Variants in ATP8A2 observed in about 807,000 individuals in gnomAD.
ATP8A2 encodes phospholipid-transporting ATPase IB.
Under a neutral mutation model 165.6 loss-of-function variants are expected in ATP8A2, and 100 were observed. The ratio of observed to expected loss-of-function variants is 0.60; its 90% CI spans 0.51 to 0.71. ATP8A2 has a LOEUF of 0.71. Among genes scored for constraint, ATP8A2 ranks in the 30% least tolerant of loss-of-function variants. ATP8A2 has a pLI of 0.00. For synonymous variants in ATP8A2, 543 were observed against 548.8 expected, an observed-to-expected ratio of 0.99 and a Z score of 0.15; for missense variants, 1,227 against 1,479.5, an observed-to-expected ratio of 0.83 and a Z score of 2.80.
chr13:25,681,897 C>G (rs953796528), intron 24 of ATP8A2, among the ~76,000 whole-genome samples: 5 of 150,792 alleles, frequency 3.3e-5, no homozygotes, highest in Non-Finnish European at 5.9e-5. Flanking sequence ...AGACTTGGGA[C>G]TGACTGCCTT....
At chr13:26,014,957 GGGTCT>G (rs1395103462) in intron 36 of ATP8A2, among the ~76,000 whole-genome samples, 2 of 152,106 alleles carry the variant, frequency 1.3e-5, no homozygotes, top group Non-Finnish European at 2.9e-5. Context: ...GAACTCTACA[GGGTCT>G]GTTCTGTTGA....
intron 19 of ATP8A2, among the ~76,000 whole-genome samples, chr13:25,575,383 ATTTG>A (rs1375962435): frequency 1.3e-5 from 2 of 152,174 alleles, no homozygotes; most frequent in African/African-American, 4.8e-5. Flanking sequence ...ACCCAGGAAT[ATTTG>A]TTGGACTTTT....
At chr13:25,385,857 A>C (rs923401809) in intron 1 of ATP8A2, among the ~76,000 whole-genome samples, 2 of 151,812 alleles carry the variant, frequency 1.3e-5, no homozygotes, top group East Asian at 3.9e-4. Flanking sequence ...ATGCCCAGCT[A>C]ATTTTTAAAA....
intron 25 of ATP8A2, among the ~76,000 whole-genome samples, chr13:25,726,037 A>G (rs755588078): frequency 6.6e-5 from 10 of 152,364 alleles, no homozygotes; most frequent in Non-Finnish European, 1.0e-4. Flanking sequence ...TAGTATGTAG[A>G]TAGACACGCA....
intron 2 of ATP8A2, among the ~76,000 whole-genome samples, chr13:25,523,528 G>A (rs1390124939): frequency 1.3e-5 from 2 of 152,026 alleles, no homozygotes; most frequent in African/African-American, 2.4e-5. Flanking sequence ...TTCTTATTAT[G>A]GCTTTGATTT....
chr13:25,544,056 G>A (rs1174060052), intron 10 of ATP8A2, among the ~76,000 whole-genome samples: 2 of 152,284 alleles, frequency 1.3e-5, no homozygotes, highest in African/African-American at 2.4e-5. Context: ...TTTTCAGCTT[G>A]TCTGTTCTTT....
intron 2 of ATP8A2, among the ~76,000 whole-genome samples, chr13:25,527,951 G>C (rs1406762464): frequency 3.3e-5 from 5 of 152,158 alleles, no homozygotes; most frequent in Admixed American, 1.3e-4. Context: ...TACAGTATGT[G>C]AACTTTCTTT....
intron 33 of ATP8A2, among the ~76,000 whole-genome samples, chr13:25,924,704 T>C (rs1954550126): frequency 6.6e-6 from 1 of 152,218 alleles, no homozygotes; most frequent in African/African-American, 2.4e-5. Flanking sequence ...GGTTTGGCTG[T>C]GTCCCCACCC....
At chr13:26,006,959 T>C in intron 35 of ATP8A2, among the ~76,000 whole-genome samples, 1 of 151,584 alleles carries the variant, frequency 6.6e-6, no homozygotes, top group Non-Finnish European at 1.5e-5. Context: ...TTTAGTTTGC[T>C]AGAATTTAGT....
intron 30 of ATP8A2, among the ~76,000 whole-genome samples, chr13:25,847,827 G>C (rs1259319086): frequency 1.3e-5 from 2 of 151,928 alleles, no homozygotes; most frequent in African/African-American, 4.8e-5. Context: ...GCATGCCTTT[G>C]ACATACAAAT....
At chr13:25,954,881 A>G (rs1955482036) in intron 33 of ATP8A2, among the ~76,000 whole-genome samples, 1 of 152,240 alleles carries the variant, frequency 6.6e-6, no homozygotes. Flanking sequence ...ATAAATCCAC[A>G]AAGATGAGGA....
intron 1 of ATP8A2, among the ~76,000 whole-genome samples, chr13:25,410,540 G>T (rs114532582): frequency 1.4e-3 from 217 of 152,310 alleles, no homozygotes; most frequent in African/African-American, 5.1e-3. Flanking sequence ...CAAAGTAAAA[G>T]GATTAGTACC....
chr13:25,435,215 G>A (rs1359857661), intron 1 of ATP8A2, among the ~76,000 whole-genome samples: 1 of 151,662 alleles, frequency 6.6e-6, no homozygotes, highest in Admixed American at 6.6e-5. Flanking sequence ...CCACCTCCCG[G>A]TTTCAAGCGA....
chr13:25,474,455 G>A (rs892847500), intron 2 of ATP8A2, among the ~76,000 whole-genome samples: 7 of 151,956 alleles, frequency 4.6e-5, no homozygotes, highest in African/African-American at 1.4e-4. Flanking sequence ...CCAGCTACTC[G>A]GGAGGTTGAG....
chr13:25,680,183 G>A (rs1177821309), intron 24 of ATP8A2, among the ~76,000 whole-genome samples: 2 of 152,156 alleles, frequency 1.3e-5, no homozygotes, highest in Admixed American at 6.5e-5. Flanking sequence ...ATCTTAGAAT[G>A]TGACCTGGTT....
At chr13:25,936,563 C>A (rs1053300695) in intron 33 of ATP8A2, among the ~76,000 whole-genome samples, 4 of 152,226 alleles carry the variant, frequency 2.6e-5, no homozygotes, top group African/African-American at 9.6e-5. Context: ...TAATCCCAAT[C>A]CCACAAGTTT....
At chr13:25,670,978 C>T (rs954594830) in intron 24 of ATP8A2, among the ~76,000 whole-genome samples, 4 of 152,214 alleles carry the variant, frequency 2.6e-5, no homozygotes, top group African/African-American at 7.2e-5. Flanking sequence ...GCTGTGTCTG[C>T]AGCCTCTGGA....
intron 35 of ATP8A2, among the ~76,000 whole-genome samples, chr13:25,997,854 A>G (rs933522240): frequency 1.3e-4 from 19 of 151,856 alleles, no homozygotes; most frequent in African/African-American, 3.9e-4. Context: ...ACTTATTGAA[A>G]CATTTTTACC....
At chr13:25,616,649 G>C (rs1406941074) in intron 24 of ATP8A2, among the ~76,000 whole-genome samples, 1 of 152,088 alleles carries the variant, frequency 6.6e-6, no homozygotes, top group Non-Finnish European at 1.5e-5. Context: ...AGTAGTATGT[G>C]GTACTGCTTA....
Sources: allele counts gnomAD v4.1 joint callset (sites outside exome capture counted in the v4.1 genomes callset), GRCh38; gene constraint gnomAD v4.1.1; transcripts MANE v1.5; gene names NCBI Gene and HGNC (gene_info 2026-07-23, HGNC 2026-07-21).